PACC1: variants seen among roughly 807,000 people sequenced by gnomAD.
The protein encoded by PACC1 is proton-activated chloride channel.
Under a neutral mutation model 39.7 loss-of-function variants are expected in PACC1, and 34 were observed. The ratio of observed to expected loss-of-function variants is 0.86; its 90% confidence interval spans 0.65 to 1.14. The LOEUF (loss-of-function observed/expected upper bound fraction) is 1.14, where lower values mean the gene tolerates loss of function less well. PACC1 is among the 50% of genes most tolerant of loss of function. The probability of loss-of-function intolerance (pLI) is 0.00; values close to 1 mark genes in which losing one functional copy is unlikely to be tolerated. For synonymous variants in PACC1, 127 were observed against 160.6 expected, an observed-to-expected ratio of 0.79 and a Z score of 1.58; for missense variants, 379 against 436.4, an observed-to-expected ratio of 0.87 and a Z score of 1.17.
chr1:212,380,012 G>T lies in PACC1; in HGVS notation c.521C>A (p.Pro174His), dbSNP rs1427042473. 1.2e-6 allele frequency: 2 copies of T among 1,614,132 alleles called. No homozygotes were observed. Among genetic ancestry groups the T allele is most frequent in the East Asian group, 4.5e-5 (2 of 44,872 alleles). ...CAGCTCCCGCTTTTTCACTTCCCGG[G>T]GCCCCTGGACAATCAGGGCAGATTT... ...TVKSALIVQG[P>H]REVKKRELVF... The change falls in exon 5 of 8, where the codon CCC (proline) becomes CAC (histidine). Residue 174 changes from proline (P) to histidine (H), a missense_variant. Physicochemically the swap from Pro to His is moderately conservative, Grantham distance 77. Coordinates refer to ENST00000261455, the MANE Select transcript of PACC1 (RefSeq NM_018252.3).
chr1:212,382,851 G>A (rs942514702), intron 4 of PACC1, among the ~76,000 whole-genome samples: 3 of 152,184 alleles, frequency 2.0e-5, no homozygotes, highest in African/African-American at 4.8e-5. Context: ...GCTCCCAGGG[G>A]ACGAGGCCAG....
intron 2 of PACC1, among the ~76,000 whole-genome samples, chr1:212,389,580 A>G (rs1342246019): frequency 6.6e-6 from 1 of 152,222 alleles, no homozygotes; most frequent in Non-Finnish European, 1.5e-5. Context: ...GAAAAAAGCA[A>G]TCTATAGAAA....
chr1:212,393,349 G>C (rs1026541571), intron 2 of PACC1, among the ~76,000 whole-genome samples: 31 of 152,174 alleles, frequency 2.0e-4, no homozygotes, highest in Admixed American at 1.0e-3. Context: ...GGGTACATAA[G>C]GAAATGAAGG....
chr1:212,365,437 T>TTG (rs1246693322), intron 7 of PACC1, 61 bp from the exon 8 acceptor site: 3 of 1,499,966 alleles, frequency 2.0e-6, no homozygotes, highest in Non-Finnish European at 2.7e-6. Context: ...TTCTTTTTTT[T>TTG]TTTTTTTTTT....
intron 2 of PACC1, among the ~76,000 whole-genome samples, chr1:212,392,413 G>T (rs949530239): frequency 4.6e-5 from 7 of 152,142 alleles, no homozygotes; most frequent in Non-Finnish European, 8.8e-5. Context: ...TCACCACCAG[G>T]CCTGCCCTAA....
At chr1:212,398,801 T>C (rs1661609343) in intron 2 of PACC1, among the ~76,000 whole-genome samples, 1 of 152,230 alleles carries the variant, frequency 6.6e-6, no homozygotes, top group Admixed American at 6.5e-5. Flanking sequence ...CTTTACTAAG[T>C]CCTTCTCCGT....
chr1:212,375,126 A>T (rs1372462567), intron 7 of PACC1, 67 bp downstream of exon 7: 2 of 1,273,468 alleles, frequency 1.6e-6, no homozygotes, highest in Non-Finnish European at 2.2e-6. Context: ...TAAATAATAC[A>T]TCTATCATAA....
intron 2 of PACC1, among the ~76,000 whole-genome samples, chr1:212,395,963 A>G (rs1475837881): frequency 6.6e-6 from 1 of 152,238 alleles, no homozygotes; most frequent in East Asian, 1.9e-4. Context: ...ATGTGGAGAA[A>G]TAGGAACACT....
Position 212,414,768 on chromosome 1 carries a change from A to G in PACC1, c.-11T>C. On this transcript the variant is annotated 5_prime_UTR_variant, in exon 1 of 8. Coordinates refer to ENST00000261455, the MANE Select transcript of PACC1 (RefSeq NM_018252.3). ...CTCCTGCCGGATCATGGCACTGACC[A>G]GAGCTTCGGCACACCTGAGACCGCC... is the stretch of plus-strand genomic sequence containing the variant. 1 of 1,612,944 alleles carries G rather than the reference A, an allele frequency of 6.2e-7. No individual in the cohort carries two copies. The highest frequency in any genetic ancestry group is 1.1e-5 in the South Asian group (1 of 91,070).
chr1:212,401,027 C>A (rs1661690944), intron 2 of PACC1, among the ~76,000 whole-genome samples: 1 of 151,918 alleles, frequency 6.6e-6, no homozygotes, highest in Non-Finnish European at 1.5e-5. Flanking sequence ...TTTTGCCTAC[C>A]TTTTTTTTCT....
chr1:212,370,598 T>C (rs936975220), intron 7 of PACC1, among the ~76,000 whole-genome samples: 1 of 152,230 alleles, frequency 6.6e-6, no homozygotes, highest in Admixed American at 6.5e-5. Context: ...ATTAAGTATC[T>C]TGTCTGACCA....
chr1:212,392,186 C>T (rs1165256006), intron 2 of PACC1, among the ~76,000 whole-genome samples: 4 of 152,140 alleles, frequency 2.6e-5, no homozygotes, highest in Non-Finnish European at 5.9e-5. Flanking sequence ...TTAAGGGCAA[C>T]CAGAGAGAAA....
intron 6 of PACC1, among the ~76,000 whole-genome samples, chr1:212,376,257 G>A (rs1018123340): frequency 6.6e-6 from 1 of 152,110 alleles, no homozygotes; most frequent in Non-Finnish European, 1.5e-5. Flanking sequence ...TGAACAAAAT[G>A]CCTACGTCAC....
At position 212,390,936 on chromosome 1, in the gene PACC1, C is replaced by T. The variant is rs552572289; in HGVS notation, c.134-3836G>A. Among the ~76,000 whole-genome samples, 11 of 152,344 alleles carry T rather than the reference C, an allele frequency of 7.2e-5. No individual in the cohort carries two copies. In the South Asian group the frequency reaches 1.2e-3, roughly 17 times the overall value. On this transcript the variant is annotated intron_variant, in intron 2 of 7. Transcript: ENST00000261455. ...CTGAGGCTTGAGTAGGTAAACAAAG[C>T]GGCCGGGAAGCTCGAACTGGGTGGA...
chr1:212,383,229 T>C (rs1381986792), intron 4 of PACC1, among the ~76,000 whole-genome samples: 2 of 152,222 alleles, frequency 1.3e-5, no homozygotes, highest in Non-Finnish European at 2.9e-5. Context: ...TGTGCCCTTA[T>C]TTCAAGGGTT....
At chr1:212,380,311 G>A (rs1660831205) in intron 4 of PACC1, among the ~76,000 whole-genome samples, 1 of 152,166 alleles carries the variant, frequency 6.6e-6, no homozygotes, top group Non-Finnish European at 1.5e-5. Flanking sequence ...TAGCAAGGAT[G>A]ATCACTTTCA....
chr1:212,365,572 A>G (rs1429540806), intron 7 of PACC1, among the ~76,000 whole-genome samples, 196 bp from the exon 8 acceptor site: 4 of 151,982 alleles, frequency 2.6e-5, no homozygotes, highest in African/African-American at 9.7e-5. Flanking sequence ...CTGGGATTAC[A>G]GGAACCTGCC....
At chr1:212,379,863 C>G (rs1212259835) in intron 5 of PACC1, 32 bp downstream of exon 5, 1 of 1,612,990 alleles carries the variant, frequency 6.2e-7, no homozygotes, top group African/African-American at 1.3e-5. Flanking sequence ...AAAAAGTAGA[C>G]AGTAAGCCCA....
chr1:212,367,476 C>T (rs906333237), intron 7 of PACC1, among the ~76,000 whole-genome samples: 19 of 152,170 alleles, frequency 1.2e-4, no homozygotes, highest in African/African-American at 4.6e-4. Context: ...TTAGGCCCAC[C>T]CCAGATCAGA....
Sources: allele counts gnomAD v4.1 joint callset (sites outside exome capture counted in the v4.1 genomes callset), GRCh38; gene constraint gnomAD v4.1.1; transcripts MANE v1.5; gene names NCBI Gene and HGNC (gene_info 2026-07-23, HGNC 2026-07-21).